SLC9C1: variants seen among roughly 807,000 people sequenced by gnomAD.
SLC9C1 encodes the protein sodium/hydrogen exchanger 10.
In SLC9C1, 97 loss-of-function variants were observed where a neutral mutation model predicts 140.9. The observed-to-expected ratio is 0.69, with a 90% CI of 0.58 to 0.82. The LOEUF (loss-of-function observed/expected upper bound fraction) is 0.82, where lower values mean the gene tolerates loss of function less well. Ranked by LOEUF, SLC9C1 falls within the 40% of genes least tolerant of loss-of-function variation. The pLI is 0.00. For missense variants in SLC9C1, 1,340 were observed against 1,389.3 expected, an observed-to-expected ratio of 0.96 and a Z score of 0.56; for synonymous variants, 440 against 442.6, an observed-to-expected ratio of 0.99 and a Z score of 0.07.
chr3:112,150,180 C>G (rs1302582830), intron 28 of SLC9C1, among the ~76,000 whole-genome samples: 1 of 152,180 alleles, frequency 6.6e-6, no homozygotes, highest in African/African-American at 2.4e-5. Flanking sequence ...TGGCCTGAGA[C>G]TAAAATGCCT....
At chr3:112,162,940 A>T (rs2075351425) in intron 26 of SLC9C1, among the ~76,000 whole-genome samples, 2 of 136,384 alleles carry the variant, frequency 1.5e-5, no homozygotes, top group African/African-American at 2.8e-5. Flanking sequence ...TTATTGCCAC[A>T]ATTTCAGCTC....
At chr3:112,204,716 G>T (rs1204641015) in intron 16 of SLC9C1, among the ~76,000 whole-genome samples, 1 of 151,892 alleles carries the variant, frequency 6.6e-6, no homozygotes, top group Admixed American at 6.6e-5. Context: ...AGTACGCCAG[G>T]GTGTTTTAAT....
In SLC9C1 at chr3:112,199,503, A is replaced by C. The variant is rs2108025917; in HGVS notation, c.2375-34T>G. The C allele has an allele frequency of 3.3e-6, 5 of 1,496,812 alleles. No homozygotes were observed. In the East Asian group the frequency reaches 1.2e-4, roughly 36 times the overall value. The allele number at this position is 1,496,812 out of a possible 1,614,324, so 92.7% of individuals were successfully genotyped here. On this transcript the variant is annotated intron_variant, in intron 19 of 28. Transcript: ENST00000305815. ...TAACAAAATATTTTTAGATTAAATAAGAACATTGTTTTAAATGTTTTATGT... is the reference window on the plus strand; with the variant it reads ...TAACAAAATATTTTTAGATTAAATACGAACATTGTTTTAAATGTTTTATGT...
At chr3:112,245,123 C>A (rs893407094) in intron 10 of SLC9C1, among the ~76,000 whole-genome samples, 1 of 152,166 alleles carries the variant, frequency 6.6e-6, no homozygotes, top group Middle Eastern at 3.2e-3. Context: ...ATTTTGATTT[C>A]TACTTCTGTA....
At chr3:112,284,282 C>G (rs1020040776) in intron 2 of SLC9C1, among the ~76,000 whole-genome samples, 1 of 152,176 alleles carries the variant, frequency 6.6e-6, no homozygotes, top group Non-Finnish European at 1.5e-5. Context: ...TGAAATGGAG[C>G]ATTTACTTGT....
intron 20 of SLC9C1, among the ~76,000 whole-genome samples, chr3:112,190,269 T>C (rs940383341): frequency 6.6e-6 from 1 of 152,184 alleles, no homozygotes; most frequent in Non-Finnish European, 1.5e-5. Flanking sequence ...TCTAACACTA[T>C]GTTGAATAGG....
chr3:112,263,049 C>T lies in SLC9C1; in HGVS notation c.1072G>A (p.Glu358Lys). 1 of 1,598,662 alleles carries T rather than the reference C, an allele frequency of 6.3e-7. No homozygotes were observed. Among genetic ancestry groups the T allele is most frequent in the Non-Finnish European group, 8.5e-7 (1 of 1,173,880 alleles). The change falls in exon 10 of 29, where the codon GAG becomes AAG. Residue 358 changes from glutamate (E) to lysine (K), a missense_variant. Glu to Lys is a moderately conservative substitution (Grantham distance 56, BLOSUM62 1). Coordinates refer to ENST00000305815, the MANE Select transcript of SLC9C1 (RefSeq NM_183061.3). ...ATGAATATCCAGCGCCAACTGAACTCATGACCAACTCGAGACAAAACAGGG... is the reference window on the plus strand; with the variant it reads ...ATGAATATCCAGCGCCAACTGAACTTATGACCAACTCGAGACAAAACAGGG... Reference protein sequence around the residue: ...ISPVLSRVGHEFSWRWIFIMV... With the variant: ...ISPVLSRVGHKFSWRWIFIMV...
At chr3:112,216,070 A>G (rs533668748) in intron 15 of SLC9C1, among the ~76,000 whole-genome samples, 1 of 152,308 alleles carries the variant, frequency 6.6e-6, no homozygotes, top group South Asian at 2.1e-4. Flanking sequence ...CAACCATCTG[A>G]TCTTTGACAA....
At chr3:112,212,022 A>G (rs1224639390) in intron 15 of SLC9C1, among the ~76,000 whole-genome samples, 2 of 152,212 alleles carry the variant, frequency 1.3e-5, no homozygotes, top group African/African-American at 4.8e-5. Context: ...CGGAGGAATG[A>G]TCAGGCAGCA....
At chr3:112,193,598 C>A (rs1268387546) in intron 20 of SLC9C1, among the ~76,000 whole-genome samples, 1 of 152,014 alleles carries the variant, frequency 6.6e-6, no homozygotes, top group African/African-American at 2.4e-5. Context: ...GGTTGTGTCT[C>A]AGGCTCTGGG....
intron 22 of SLC9C1, 40 bp downstream of exon 22, chr3:112,180,524 A>C: frequency 6.5e-6 from 10 of 1,542,276 alleles, no homozygotes; most frequent in Non-Finnish European, 8.8e-6. Flanking sequence ...ACTCTGTCTC[A>C]AAACAAAAAA....
intron 10 of SLC9C1, among the ~76,000 whole-genome samples, chr3:112,262,472 T>A (rs988254955): frequency 6.6e-6 from 1 of 151,766 alleles, no homozygotes; most frequent in Non-Finnish European, 1.5e-5. Context: ...CCCAGACACA[T>A]GGTAGAAGGA....
At chr3:112,195,217 G>A (rs909211030) in intron 20 of SLC9C1, among the ~76,000 whole-genome samples, 1 of 152,100 alleles carries the variant, frequency 6.6e-6, no homozygotes, top group African/African-American at 2.4e-5. Context: ...ATATTTTGAA[G>A]TTTTAACCAT....
At position 112,277,638 on chromosome 3, in the gene SLC9C1, C is replaced by G. The variant is rs891160685; in HGVS notation, c.484+57G>C. 3.0e-6 allele frequency: 4 copies of G among 1,354,256 alleles called. No homozygotes were observed. In the African/African-American group the frequency reaches 6.1e-5, roughly 21 times the overall value. 83.9% of individuals were successfully genotyped at this position (1,354,256 alleles called of 1,614,324 possible). A position where few individuals can be genotyped will look rare whatever the true frequency, so the allele number is the denominator to read the frequency against. On this transcript the variant is annotated intron_variant, in intron 5 of 28. Coordinates refer to ENST00000305815, the MANE Select transcript of SLC9C1 (RefSeq NM_183061.3). ...ACCAAAAGCAAAAGATCTTAAAATA[C>G]AAGTTCATTATGAAATATGATATTA...
intron 28 of SLC9C1, among the ~76,000 whole-genome samples, chr3:112,148,375 C>A (rs2074864667): frequency 1.3e-5 from 2 of 152,182 alleles, no homozygotes; most frequent in African/African-American, 4.8e-5. Context: ...TCCTTCTCAT[C>A]TGGAGACACT....
intron 13 of SLC9C1, among the ~76,000 whole-genome samples, chr3:112,221,594 C>T (rs968371822): frequency 1.3e-5 from 2 of 152,090 alleles, no homozygotes; most frequent in Non-Finnish European, 2.9e-5. Context: ...TCCTACTATA[C>T]ATCTTTATTT....
intron 26 of SLC9C1, among the ~76,000 whole-genome samples, chr3:112,166,315 C>A (rs551639526): frequency 6.6e-6 from 1 of 152,178 alleles, no homozygotes; most frequent in Non-Finnish European, 1.5e-5. Context: ...GAGATGAACC[C>A]GGTACCTCAG....
intron 12 of SLC9C1, among the ~76,000 whole-genome samples, chr3:112,234,695 T>C (rs912650531): frequency 6.6e-6 from 1 of 152,250 alleles, no homozygotes; most frequent in Non-Finnish European, 1.5e-5. Context: ...TTTCTACATA[T>C]GGCTAGCCAG....
At chr3:112,286,977 G>C (rs570596636) in intron 1 of SLC9C1, 99 bp from the exon 2 acceptor site, 127 of 454,550 alleles carry the variant, frequency 2.8e-4, no homozygotes, top group Admixed American at 2.3e-3. Context: ...GTGATTTCTC[G>C]TGGTCTGCCA....
Sources: allele counts gnomAD v4.1 joint callset (sites outside exome capture counted in the v4.1 genomes callset), GRCh38; gene constraint gnomAD v4.1.1; transcripts MANE v1.5; gene names NCBI Gene and HGNC (gene_info 2026-07-23, HGNC 2026-07-21).